The following RAE1 variants were observed in gnomAD, a reference collection of about 807,000 sequenced individuals.
RAE1 encodes the protein ribonucleic acid export 1, also known as mRNA export factor RAE1.
RAE1 carries 13 observed loss-of-function variants against 52.7 expected under a neutral mutation model. The ratio of observed to expected loss-of-function variants is 0.25; its 90% CI spans 0.16 to 0.39. The LOEUF is 0.39. Among genes scored for constraint, RAE1 ranks in the 10% least tolerant of loss-of-function variants. RAE1 has a pLI of 1.00. For missense variants in RAE1, 262 were observed against 459.8 expected (o/e 0.57, Z 3.93); for synonymous variants, 164 against 153.1 (o/e 1.07, Z -0.52).
In RAE1 at chr20:57,373,737, C is replaced by T. The variant is rs779378832; in HGVS notation, c.824C>T (p.Ala275Val). 7.4e-6 allele frequency: 12 copies of T among 1,612,580 alleles called. No homozygotes were observed. The highest frequency in any genetic ancestry group is 9.3e-6 in the Non-Finnish European group (11 of 1,178,602). Reference sequence around the variant, plus strand: ...ACTTCAGCTCCTCAGGACATTTATGCGGTACGTTTTTAGACACTTTAACCG... The same window carrying T: ...ACTTCAGCTCCTCAGGACATTTATGTGGTACGTTTTTAGACACTTTAACCG... ...TNTSAPQDIY[A>V]VNGIAFHPVH... is the part of the protein sequence containing the mutation. Residue 275 changes from alanine (A) to valine (V), a missense_variant and splice_region_variant, in exon 10 of 12, where the codon GCG (alanine) becomes GTG (valine). By Grantham distance (64) the Ala-to-Val change is moderately conservative (BLOSUM62 0). Coordinates refer to ENST00000395841, the MANE Select transcript of RAE1 (RefSeq NM_003610.4).
In RAE1 at chr20:57,378,912, C is replaced by T. The variant is rs2146188967; in HGVS notation, c.*813C>T. On this transcript the variant is annotated 3_prime_UTR_variant, in exon 12 of 12. Coordinates refer to ENST00000395841, the MANE Select transcript of RAE1 (RefSeq NM_003610.4). ...CCCCGGTCCCCTGCATGGGAATTGC[C>T]CTGAACCCTCAGTAGTGGTTGTTTG... is the stretch of plus-strand genomic sequence containing the variant. The T allele has an allele frequency of 6.6e-6, 1 of 152,316 alleles. No homozygotes were observed. Among genetic ancestry groups the T allele is most frequent in the African/African-American group, 2.4e-5 (1 of 41,552 alleles). The allele number at this position is 152,316 out of a possible 1,614,324, so 9.4% of individuals were successfully genotyped here. A position where few individuals can be genotyped will look rare whatever the true frequency, so the allele number is the denominator to read the frequency against.
intron 1 of RAE1, among the ~76,000 whole-genome samples, 181 bp from the exon 2 acceptor site, chr20:57,353,851 C>G (rs8122895): frequency 0.04 from 6,056 of 152,284 alleles, 180 homozygotes; most frequent in African/African-American, 0.089. Context: ...AAACCTAAAA[C>G]TACTCTAAAA....
At chr20:57,377,945 A>C (rs2067139791) in intron 11 of RAE1, 68 bp from the exon 12 acceptor site, 2 of 1,219,334 alleles carry the variant, frequency 1.6e-6, no homozygotes, top group Non-Finnish European at 2.3e-6. Context: ...CTTCACCTAG[A>C]AAAAGCACCT....
At chr20:57,356,662 C>T (rs985424135) in intron 4 of RAE1, 124 bp downstream of exon 4, 24 of 890,420 alleles carry the variant, frequency 2.7e-5, no homozygotes, top group Non-Finnish European at 4.0e-5. Context: ...AGTTTCTGAA[C>T]ATAAATATAG....
intron 1 of RAE1, chr20:57,352,030 T>C (rs532530713): frequency 3.2e-6 from 3 of 946,020 alleles, no homozygotes; most frequent in Non-Finnish European, 3.8e-6. Flanking sequence ...GCCAGCATTC[T>C]GGGGGGGAAG....
chr20:57,370,199 G>A (rs374213614), intron 8 of RAE1, among the ~76,000 whole-genome samples: 4 of 151,820 alleles, frequency 2.6e-5, no homozygotes, highest in Non-Finnish European at 4.4e-5. Context: ...TTCTAACTCA[G>A]TGAGACCTTT....
intron 8 of RAE1, chr20:57,373,170 G>A: frequency 2.7e-6 from 1 of 371,770 alleles, no homozygotes. Context: ...CCCACAGGCA[G>A]GGCCGCTGTC....
chr20:57,364,482 C>T (rs912465690), intron 4 of RAE1, among the ~76,000 whole-genome samples: 1 of 152,164 alleles, frequency 6.6e-6, no homozygotes, highest in African/African-American at 2.4e-5. Context: ...AGTTTTATCT[C>T]TTCTTTCAAA....
chr20:57,368,870 T>C (rs1419340034), intron 8 of RAE1, 58 bp downstream of exon 8: 2 of 1,355,878 alleles, frequency 1.5e-6, no homozygotes, highest in Non-Finnish European at 2.1e-6. Flanking sequence ...TGCAAGATTG[T>C]GCTCACATCT....
chr20:57,363,251 G>T (rs2066913125), intron 4 of RAE1, among the ~76,000 whole-genome samples: 1 of 152,146 alleles, frequency 6.6e-6, no homozygotes, highest in Non-Finnish European at 1.5e-5. Flanking sequence ...ATGAAGGTAG[G>T]CTGGGTGCAG....
At chr20:57,366,177 G>A (rs573416038) in intron 5 of RAE1, among the ~76,000 whole-genome samples, 2 of 152,156 alleles carry the variant, frequency 1.3e-5, no homozygotes, top group African/African-American at 4.8e-5. Flanking sequence ...ACTTTCACTC[G>A]CACATATGTC....
At chr20:57,360,069 A>T (rs977714621) in intron 4 of RAE1, 13 of 152,212 alleles carry the variant, frequency 8.5e-5, no homozygotes, top group African/African-American at 3.1e-4. Context: ...GGTTTATCCA[A>T]GCGCACTTTC....
intron 1 of RAE1, chr20:57,351,753 G>A: frequency 1.0e-6 from 1 of 985,488 alleles, no homozygotes; most frequent in Non-Finnish European, 1.2e-6. Flanking sequence ...AGCTTTCCCT[G>A]GCCGCTTTGC....
At position 57,374,714 on chromosome 20, in the gene RAE1, GGAACAGT is replaced by G; in HGVS notation, c.934_940del (p.Glu312Ter). ...ATGCCAGAACAAAACTAAAAACTTC[GGAACAGT>G]TAGATCAGCCCATCTCAGCTTGCTG... is the stretch of plus-strand genomic sequence containing the variant. On this transcript the variant is annotated frameshift_variant, in exon 11 of 12. Transcript: ENST00000395841. LOFTEE classifies it high-confidence loss of function. 6.2e-7 allele frequency: 1 copy of G among 1,614,162 alleles called. No homozygotes were observed. The highest frequency in any genetic ancestry group is 8.5e-7 in the Non-Finnish European group (1 of 1,180,024).
At chr20:57,374,861 A>G (rs950553356) in intron 11 of RAE1, 60 bp downstream of exon 11, 6 of 1,586,360 alleles carry the variant, frequency 3.8e-6, no homozygotes, top group Middle Eastern at 3.3e-4. Flanking sequence ...CTCTGGGTTC[A>G]GAAGGCCTAG....
intron 2 of RAE1, 101 bp from the exon 3 acceptor site, chr20:57,354,611 A>G: frequency 1.3e-6 from 1 of 760,114 alleles, no homozygotes; most frequent in Non-Finnish European, 2.0e-6. Context: ...TAGTTCTTGT[A>G]CACAAGGAAA....
intron 8 of RAE1, among the ~76,000 whole-genome samples, chr20:57,369,550 C>G (rs1183760164): frequency 3.3e-5 from 5 of 152,232 alleles, no homozygotes; most frequent in Non-Finnish European, 7.3e-5. Context: ...TTCTGTATAG[C>G]CATCTTGAAA....
intron 4 of RAE1, among the ~76,000 whole-genome samples, chr20:57,364,648 T>G (rs2066930502): frequency 6.6e-6 from 1 of 152,170 alleles, no homozygotes. Context: ...TAAATAAAGT[T>G]TTATTGAAAT....
In RAE1 at chr20:57,374,893, A is replaced by G. The variant is rs549923999; in HGVS notation, c.1020+92A>G. 4.4e-5 allele frequency: 63 copies of G among 1,420,058 alleles called. No individual in the cohort carries two copies. In the African/African-American group the frequency reaches 7.4e-4, roughly 17 times the overall value. The allele number at this position is 1,420,058 out of a possible 1,614,324, so 88.0% of individuals were successfully genotyped here. On this transcript the variant is annotated intron_variant, in intron 11 of 11. Transcript: ENST00000395841. ...CTAGGCCTGAGTTGTGACTCTTCTC[A>G]GGACTCACGTGTGTCCTTGGGCAGG... is the stretch of plus-strand genomic sequence containing the variant.
Sources: gnomAD v4.1 joint callset for allele counts (sites outside exome capture counted in the v4.1 genomes callset) on GRCh38, gnomAD v4.1.1 for gene constraint, MANE v1.5 for transcripts, NCBI Gene and HGNC (gene_info 2026-07-23, HGNC 2026-07-21) for gene names.